The following CCDC51 variants were observed in gnomAD, a reference collection of about 807,000 sequenced individuals.
CCDC51 encodes the protein mitochondrial potassium channel.
In CCDC51, 25 loss-of-function variants were observed where a neutral mutation model predicts 24.8. That is an observed-to-expected ratio of 1.01 (90% CI 0.73 to 1.41). The LOEUF is 1.41. Among genes scored for constraint, CCDC51 ranks in the 40% most tolerant of loss-of-function variants. The pLI is 0.00. For missense variants in CCDC51, 466 were observed against 519.1 expected, an observed-to-expected ratio of 0.90 and a Z score of 0.99; for synonymous variants, 190 against 204.3, an observed-to-expected ratio of 0.93 and a Z score of 0.60.
upstream of CCDC51, chr3:48,440,453 G>A (rs1189201905): frequency 6.2e-7 from 1 of 1,612,334 alleles, no homozygotes; most frequent in African/African-American, 1.3e-5. Context: ...CAAGGAGATG[G>A]ACGAGGTGAG....
chr3:48,433,150 C>G lies in CCDC51; in HGVS notation c.494G>C (p.Arg165Pro). ...HRMLQEEKRL[R>P]TAYLRAEDSE... ...GTCTTCTGCACGCAGATAGGCTGTG[C>G]GAAGCCTCTTCTCCTCCTGCAGAAG... Residue 165 changes from arginine to proline, a missense_variant, in exon 4 of 4, where the codon CGC becomes CCC. Coordinates refer to ENST00000395694, the MANE Select transcript of CCDC51 (RefSeq NM_001256964.2). The surrounding 1 kb of genome is among the most constrained non-coding windows in gnomAD (Gnocchi z 4.4). 1.9e-6 allele frequency: 3 copies of G among 1,611,306 alleles called. No homozygotes were observed. The highest frequency in any genetic ancestry group is 3.3e-4 in the Middle Eastern group (2 of 5,982).
rs766033020 is a variant in CCDC51 at position 48,433,748 on chromosome 3, G to A, written c.436C>T (p.Gln146Ter). The A allele has an allele frequency of 1.9e-6, 3 of 1,614,022 alleles. No individual in the cohort carries two copies. The highest frequency in any genetic ancestry group is 2.2e-5 in the South Asian group (2 of 91,064). ...TCGAGAGTAGCCAGTTCCAAGTACTGACTGTCCTCCCTGGAGACACGGTCC... is the reference window on the plus strand; with the variant it reads ...TCGAGAGTAGCCAGTTCCAAGTACTAACTGTCCTCCCTGGAGACACGGTCC... ...RLDRVSREDS[Q>*]YLELATLEHR... The change falls in exon 3 of 4, where the codon CAG becomes TAG. Residue 146 changes from glutamine (Q) to a stop codon, truncating the protein, a stop_gained. Transcript: ENST00000395694. LOFTEE classifies it high-confidence loss of function. This position sits in a 1 kb window ranked among gnomAD's most constrained non-coding sequence, Gnocchi z 4.4.
At chr3:48,445,895 G>A in the CCDC51 span, among the ~76,000 whole-genome samples, 2 of 152,140 alleles carry the variant, frequency 1.3e-5, no homozygotes, top group African/African-American at 4.8e-5. Flanking sequence ...TGTCAGGCAC[G>A]CAAGCCCACC....
At chr3:48,441,056 C>CAAA, upstream of CCDC51, 1 of 186,464 alleles carries the variant, frequency 5.4e-6, no homozygotes, top group Non-Finnish European at 1.1e-5. Context: ...CACTCTGTCT[C>CAAA]CCAGGCTGGA....
intron 1 of CCDC51, among the ~76,000 whole-genome samples, chr3:48,436,467 C>G (rs2039358078): frequency 6.6e-6 from 1 of 152,210 alleles, no homozygotes; most frequent in Non-Finnish European, 1.5e-5. Context: ...AAGGGAACTT[C>G]ACTGTGACAG....
chr3:48,440,491 G>A (rs1344712128), upstream of CCDC51: 1 of 1,603,322 alleles, frequency 6.2e-7, no homozygotes, highest in Non-Finnish European at 8.5e-7. Flanking sequence ...TGGCGGGTGC[G>A]GGGGCGCTGG....
rs1273991985 is a variant in CCDC51 at position 48,435,786 on chromosome 3, A to T, written c.-8-650T>A. Among the ~76,000 whole-genome samples, 4 of 152,124 alleles carry T rather than the reference A, an allele frequency of 2.6e-5. No individual in the cohort carries two copies. Among genetic ancestry groups the T allele is most frequent in the Admixed American group, 6.5e-5 (1 of 15,274 alleles). On this transcript the variant is annotated intron_variant, in intron 1 of 3. Coordinates refer to ENST00000395694, the MANE Select transcript of CCDC51 (RefSeq NM_001256964.2). This position sits in a 1 kb window ranked among gnomAD's most constrained non-coding sequence, Gnocchi z 4.2. ...ATAATTCCAGGGGCAAAAAAAAACAAAACAAAACTGTTTTTGCCACAGAGG... is the reference window on the plus strand; with the variant it reads ...ATAATTCCAGGGGCAAAAAAAAACATAACAAAACTGTTTTTGCCACAGAGG...
intron 1 of CCDC51, chr3:48,438,235 A>G (rs983792973): frequency 6.6e-6 from 1 of 152,208 alleles, no homozygotes; most frequent in Admixed American, 6.5e-5. Context: ...GGTGATGGCC[A>G]TACAACTTTG....
At chr3:48,440,740 C>G, upstream of CCDC51, 2 of 938,526 alleles carry the variant, frequency 2.1e-6, no homozygotes, top group East Asian at 5.3e-5. Context: ...TCTCGTTTTC[C>G]GACGTCCGCT....
rs1260688562 is a variant in CCDC51, at chr3:48,435,078, G to A, written c.51C>T (p.Pro17=). 2 of 1,611,374 alleles carry A rather than the reference G, an allele frequency of 1.2e-6. No homozygotes were observed. Among genetic ancestry groups the A allele is most frequent in the African/African-American group, 1.3e-5 (1 of 74,870 alleles). ...GFAMQHIVGV[P]HVLVRRGLLG... ...GGAGGCCCCTCCGAACCAGTACGTG[G>A]GGCACACCCACGATGTGCTGCATGG... The change falls in exon 2 of 4, where the codon CCC becomes CCT. Residue 17 remains proline (P), a synonymous_variant. Coordinates refer to ENST00000395694, the MANE Select transcript of CCDC51 (RefSeq NM_001256964.2). The surrounding 1 kb of genome is among the most constrained non-coding windows in gnomAD (Gnocchi z 4.2).
Position 48,437,637 on chromosome 3 carries a change from T to C in CCDC51, c.-9+2351A>G, listed in dbSNP as rs984208524. ...TTCAGATCCATTCTCCCGCTCTATG[T>C]AGATGGCTGTCTCCTACCAACTGCC... On this transcript the variant is annotated intron_variant, in intron 1 of 3. Coordinates refer to ENST00000395694, the MANE Select transcript of CCDC51 (RefSeq NM_001256964.2). This position sits in a 1 kb window ranked among gnomAD's most constrained non-coding sequence, Gnocchi z 4.2. Among the ~76,000 whole-genome samples the C allele has an allele frequency of 2.6e-5, 4 of 152,136 alleles. No homozygotes were observed. Among genetic ancestry groups the C allele is most frequent in the Non-Finnish European group, 2.9e-5 (2 of 68,030 alleles).
chr3:48,440,147 G>C, upstream of CCDC51: 1 of 1,336,114 alleles, frequency 7.5e-7, no homozygotes, highest in Non-Finnish European at 1.0e-6. Context: ...TGACCTGTTA[G>C]TACCCGCCCC....
chr3:48,433,318 G>A lies in CCDC51; in HGVS notation c.478-152C>T. On this transcript the variant is annotated intron_variant, in intron 3 of 3. Coordinates refer to ENST00000395694, the MANE Select transcript of CCDC51 (RefSeq NM_001256964.2). This position sits in a 1 kb window ranked among gnomAD's most constrained non-coding sequence, Gnocchi z 4.4. ...AATGAAGGTAGCACCAACCTGGCTG[G>A]GTCAGAAGGGCAAAGGAATTGGGAG... 1 of 734,006 alleles carries A rather than the reference G, an allele frequency of 1.4e-6. No individual in the cohort carries two copies. The highest frequency in any genetic ancestry group is 2.2e-6 in the Non-Finnish European group (1 of 455,232). The allele number at this position is 734,006 out of a possible 1,614,324, so 45.5% of individuals were successfully genotyped here.
chr3:48,432,815 C>T lies in CCDC51; in HGVS notation c.829G>A (p.Gly277Arg). Residue 277 changes from glycine (G) to arginine (R), a missense_variant, in exon 4 of 4, where the codon GGG becomes AGG. Gly to Arg is a moderately radical substitution (Grantham distance 125, BLOSUM62 -2). Coordinates refer to ENST00000395694, the MANE Select transcript of CCDC51 (RefSeq NM_001256964.2). Reference protein sequence around the residue: ...VDLRGLVHAAGPGQDSGSQAG... With the variant: ...VDLRGLVHAARPGQDSGSQAG... ...TGTGACCCAGAGTCCTGCCCTGGCC[C>T]AGCAGCATGTACCAGGCCCCTCAGG... 1.9e-6 allele frequency: 3 copies of T among 1,614,168 alleles called. No homozygotes were observed. The East Asian group carries it at 6.7e-5, about 36-fold the overall frequency.
chr3:48,445,644 C>CTATA, the CCDC51 span, among the ~76,000 whole-genome samples: 1 of 152,248 alleles, frequency 6.6e-6, no homozygotes, highest in South Asian at 2.1e-4. Flanking sequence ...GGGAAGCTAT[C>CTATA]TGACGGAGAC....
the CCDC51 span, among the ~76,000 whole-genome samples, chr3:48,445,517 T>G: frequency 6.6e-6 from 1 of 152,224 alleles, no homozygotes; most frequent in Non-Finnish European, 1.5e-5. Flanking sequence ...TGAGCACCAG[T>G]GATTCACACT....
upstream of CCDC51, chr3:48,440,824 G>C (rs1221377134): frequency 4.9e-6 from 3 of 609,092 alleles, no homozygotes; most frequent in Non-Finnish European, 8.8e-6. Flanking sequence ...GAGGTCTCCT[G>C]CCTCCCAGGC....
chr3:48,432,545 T>C lies in CCDC51; in HGVS notation c.1099A>G (p.Met367Val), dbSNP rs754679173. The change falls in exon 4 of 4, where the codon ATG (methionine) becomes GTG (valine). Residue 367 changes from methionine (M) to valine (V), a missense_variant. Met to Val is a conservative substitution (Grantham distance 21). Coordinates refer to ENST00000395694, the MANE Select transcript of CCDC51 (RefSeq NM_001256964.2). ...MPSFLLEQGS[M>V]ILALSDTEQR... ...TCCGTGTCTGACAGTGCCAAGATCA[T>C]GCTCCCCTGCTCCAGCAAGAAGCTG... 8.7e-6 allele frequency: 14 copies of C among 1,614,102 alleles called. No homozygotes were observed. In the African/African-American group the frequency reaches 1.5e-4, roughly 17 times the overall value.
rs1232184440 is a variant in CCDC51 at position 48,433,844 on chromosome 3, C to T, written c.340G>A (p.Gly114Arg). The T allele has an allele frequency of 6.2e-7, 1 of 1,614,036 alleles. No individual in the cohort carries two copies. The highest frequency in any genetic ancestry group is 2.2e-5 in the East Asian group (1 of 44,866). ...EAEKVFMVAR[G>R]LVREAREDLE... Reference sequence around the variant, plus strand: ...TCCTCCCGAGCCTCTCGGACAAGCCCTCGAGCCACCATGAACACTTTCTCA... The same window carrying T: ...TCCTCCCGAGCCTCTCGGACAAGCCTTCGAGCCACCATGAACACTTTCTCA... The change falls in exon 3 of 4, where the codon GGG (glycine) becomes AGG (arginine). Residue 114 changes from glycine (G) to arginine (R), a missense_variant. Gly to Arg is a moderately radical substitution (Grantham distance 125). Transcript: ENST00000395694. This position sits in a 1 kb window ranked among gnomAD's most constrained non-coding sequence, Gnocchi z 4.4.
Sources: allele counts gnomAD v4.1 joint callset (sites outside exome capture counted in the v4.1 genomes callset), GRCh38; gene constraint gnomAD v4.1.1; non-coding constraint Gnocchi (gnomAD v3.1); transcripts MANE v1.5; gene names NCBI Gene and HGNC (gene_info 2026-07-23, HGNC 2026-07-21).